Variants in ZNF292 observed in about 807,000 individuals in gnomAD.
ZNF292 encodes 16 zinc-finger domain protein.
Under a neutral mutation model 217.9 loss-of-function variants are expected in ZNF292, and 26 were observed. That is an observed-to-expected ratio of 0.12 (90% CI 0.09 to 0.17). ZNF292 has a LOEUF of 0.17. Ranked by LOEUF, ZNF292 falls within the 10% of genes least tolerant of loss-of-function variation. The pLI is 1.00. For missense variants in ZNF292, 2,904 were observed against 3,175.2 expected (o/e 0.91, Z 2.05); for synonymous variants, 1,257 against 1,124.1 (o/e 1.12, Z -2.37).
chr6:87,192,037 A>G (rs993100150), intron 1 of ZNF292, among the ~76,000 whole-genome samples: 1 of 152,188 alleles, frequency 6.6e-6, no homozygotes, highest in African/African-American at 2.4e-5. Flanking sequence ...TGTGATGGGG[A>G]AGCCTTTCTA....
intron 1 of ZNF292, among the ~76,000 whole-genome samples, chr6:87,206,394 C>T (rs750313601): frequency 6.6e-6 from 1 of 151,602 alleles, no homozygotes; most frequent in Non-Finnish European, 1.5e-5. Flanking sequence ...CCATGAATAC[C>T]CACATAGCTT....
intron 7 of ZNF292, among the ~76,000 whole-genome samples, chr6:87,248,781 CAG>C (rs1376256654): frequency 6.6e-6 from 1 of 152,180 alleles, no homozygotes; most frequent in East Asian, 1.9e-4. Context: ...ATTATTAAAT[CAG>C]ATGAATGGAG....
At chr6:87,246,357 C>T (rs1774583913) in intron 7 of ZNF292, among the ~76,000 whole-genome samples, 1 of 152,160 alleles carries the variant, frequency 6.6e-6, no homozygotes, top group African/African-American at 2.4e-5. Flanking sequence ...GCCACAAATA[C>T]GTGATAAAAT....
intron 5 of ZNF292, among the ~76,000 whole-genome samples, 191 bp from the exon 6 acceptor site, chr6:87,243,284 T>TTG (rs1031050212): frequency 1.3e-5 from 2 of 151,432 alleles, no homozygotes; most frequent in African/African-American, 2.4e-5. Flanking sequence ...AGAAAGGTTT[T>TTG]TTTTTTTTTT....
chr6:87,215,785 T>C (rs1442469918), intron 1 of ZNF292, 118 bp from the exon 2 acceptor site: 1 of 716,812 alleles, frequency 1.4e-6, no homozygotes, highest in African/African-American at 1.9e-5. Flanking sequence ...TAAACTACTT[T>C]TTGTTTTTAT....
Position 87,204,554 on chromosome 6 carries a change from ATTTTTTTTTTT to A in ZNF292, c.169-11333_169-11323del, listed in dbSNP as rs68087857. Among the ~76,000 whole-genome samples, 12 of 63,638 alleles carry A rather than the reference ATTTTTTTTTTT, an allele frequency of 1.9e-4. No homozygotes were observed. In the South Asian group the frequency reaches 5.6e-3, roughly 30 times the overall value. The allele number at this position is 63,638 out of a possible 152,430, so 41.7% of individuals were successfully genotyped here. A position where few individuals can be genotyped will look rare whatever the true frequency, so the allele number is the denominator to read the frequency against. On this transcript the variant is annotated intron_variant, in intron 1 of 7. Coordinates refer to ENST00000369577, the MANE Select transcript of ZNF292 (RefSeq NM_015021.3). ...TAGGATTTGGTTGGTAACATTTAGG[ATTTTTTTTTTT>A]TTTTTTTTTTTTTTTGATACTAAGT...
chr6:87,215,759 A>C (rs1772720263), intron 1 of ZNF292, 144 bp from the exon 2 acceptor site: 1 of 553,348 alleles, frequency 1.8e-6, no homozygotes. Flanking sequence ...TATTTCATTT[A>C]ATATTTTAAT....
At chr6:87,215,272 A>G (rs1772688385) in intron 1 of ZNF292, 1 of 152,102 alleles carries the variant, frequency 6.6e-6, no homozygotes, top group African/African-American at 2.4e-5. Flanking sequence ...CACTTAATTG[A>G]AAGATGAGAA....
At chr6:87,215,757 T>G (rs985504813) in intron 1 of ZNF292, 146 bp from the exon 2 acceptor site, 4 of 549,070 alleles carry the variant, frequency 7.3e-6, no homozygotes, top group Admixed American at 3.8e-5. Flanking sequence ...TTTATTTCAT[T>G]TAATATTTTA....
chr6:87,233,166 T>C (rs1773735556), intron 4 of ZNF292, among the ~76,000 whole-genome samples, 159 bp from the exon 5 acceptor site: 1 of 152,150 alleles, frequency 6.6e-6, no homozygotes, highest in South Asian at 2.1e-4. Flanking sequence ...CTCTTCTTGC[T>C]TATAAGGTCA....
intron 4 of ZNF292, 89 bp from the exon 5 acceptor site, chr6:87,233,236 C>T: frequency 1.1e-6 from 1 of 928,608 alleles, no homozygotes; most frequent in Non-Finnish European, 1.6e-6. Flanking sequence ...ATTTTAGTTC[C>T]CGTGTTTAAA....
intron 7 of ZNF292, among the ~76,000 whole-genome samples, chr6:87,253,154 C>A (rs1166560265): frequency 6.6e-6 from 1 of 150,602 alleles, no homozygotes; most frequent in Non-Finnish European, 1.5e-5. Flanking sequence ...CTCAATCAGT[C>A]CCTCCCACCT....
intron 1 of ZNF292, among the ~76,000 whole-genome samples, chr6:87,161,192 A>C (rs1770743054): frequency 6.6e-6 from 1 of 152,170 alleles, no homozygotes; most frequent in African/African-American, 2.4e-5. Flanking sequence ...GAGGGTAGCA[A>C]ATTCAGCATA....
At chr6:87,185,243 A>G (rs1270058325) in intron 1 of ZNF292, among the ~76,000 whole-genome samples, 1 of 152,180 alleles carries the variant, frequency 6.6e-6, no homozygotes, top group East Asian at 1.9e-4. Context: ...TGTCCTTTGT[A>G]CAACCCAAAA....
chr6:87,216,755 T>C (rs1221135347), intron 3 of ZNF292, among the ~76,000 whole-genome samples: 1 of 151,992 alleles, frequency 6.6e-6, no homozygotes, highest in Non-Finnish European at 1.5e-5. Context: ...ATAGGTATAT[T>C]TTCCCCATTT....
At chr6:87,182,026 A>G (rs1371960117) in intron 1 of ZNF292, among the ~76,000 whole-genome samples, 1 of 152,146 alleles carries the variant, frequency 6.6e-6, no homozygotes, top group Non-Finnish European at 1.5e-5. Context: ...AGTGAGTTAA[A>G]TTACATATTA....
chr6:87,244,269 T>C (rs1285685946), intron 6 of ZNF292, among the ~76,000 whole-genome samples: 1 of 152,210 alleles, frequency 6.6e-6, no homozygotes, highest in Non-Finnish European at 1.5e-5. Flanking sequence ...ATAAAGGATT[T>C]CTGAGCATTG....
chr6:87,208,712 C>G (rs1374592187), intron 1 of ZNF292, among the ~76,000 whole-genome samples: 1 of 151,984 alleles, frequency 6.6e-6, no homozygotes, highest in Non-Finnish European at 1.5e-5. Context: ...ATTGAGAGCT[C>G]CAAGTTCATG....
chr6:87,175,035 C>T (rs1043477873), intron 1 of ZNF292, among the ~76,000 whole-genome samples: 16 of 152,146 alleles, frequency 1.1e-4, no homozygotes, highest in Admixed American at 2.6e-4. Context: ...ACTTGATCCC[C>T]ACCACTTCAG....
Sources: gnomAD v4.1 joint callset for allele counts (sites outside exome capture counted in the v4.1 genomes callset) on GRCh38, gnomAD v4.1.1 for gene constraint, MANE v1.5 for transcripts, NCBI Gene and HGNC (gene_info 2026-07-23, HGNC 2026-07-21) for gene names.